Variants in PCDHGB3 observed in about 807,000 individuals in gnomAD.
PCDHGB3 encodes protocadherin gamma subfamily B, 3.
In PCDHGB3, 40 loss-of-function variants were observed where a neutral mutation model predicts 59.2. That is an observed-to-expected ratio of 0.68 (90% CI 0.52 to 0.88). PCDHGB3 has a LOEUF of 0.88. Among genes scored for constraint, PCDHGB3 ranks in the 40% least tolerant of loss-of-function variants. The pLI, the probability that PCDHGB3 is intolerant of heterozygous loss-of-function variation, is 0.00. For synonymous variants in PCDHGB3, 581 were observed against 503.6 expected (o/e 1.15, Z -2.06); for missense variants, 1,309 against 1,187.9 (o/e 1.10, Z -1.50).
At chr5:141,410,178 C>G in intron 1 of PCDHGB3, 2 of 1,613,890 alleles carry the variant, frequency 1.2e-6, no homozygotes, top group South Asian at 1.1e-5. Flanking sequence ...GCCACCGCCA[C>G]GCTTCATCTG....
chr5:141,409,907 C>T (rs1370065492), intron 1 of PCDHGB3: 1 of 1,613,294 alleles, frequency 6.2e-7, no homozygotes, highest in East Asian at 2.2e-5. Flanking sequence ...AGCTCTGGGT[C>T]CTGACGGCTC....
chr5:141,371,532 G>A lies in PCDHGB3; in HGVS notation c.1138G>A (p.Gly380Arg). ...ACATGATCTAGATTCTGGATTTAAT[G>A]GAGAAATCCTATGCCAACTAAAAGG... ...KTHDLDSGFN[G>R]EILCQLKGNF... Residue 380 changes from glycine to arginine, a missense_variant, in exon 1 of 4, where the codon GGA becomes AGA. Transcript: ENST00000576222. The A allele has an allele frequency of 6.2e-7, 1 of 1,613,660 alleles. No individual in the cohort carries two copies. Among genetic ancestry groups the A allele is most frequent in the Non-Finnish European group, 8.5e-7 (1 of 1,179,684 alleles).
At chr5:141,420,213 G>A in intron 1 of PCDHGB3, 1 of 1,611,648 alleles carries the variant, frequency 6.2e-7, no homozygotes, top group Non-Finnish European at 8.5e-7. Flanking sequence ...AACAAAGATA[G>A]CATGCTACTG....
intron 1 of PCDHGB3, among the ~76,000 whole-genome samples, chr5:141,455,028 G>A (rs2098810519): frequency 6.6e-6 from 1 of 150,780 alleles, no homozygotes; most frequent in Non-Finnish European, 1.5e-5. Flanking sequence ...TAGCCAGGAT[G>A]GTCTCGATCT....
rs57426385 is a variant in PCDHGB3 at position 141,415,740 on chromosome 5, G to GTTTTTTTTTTTTTT, written c.2415+42950_2415+42963dup. 1.9e-4 allele frequency: 117 copies of GTTTTTTTTTTTTTT among 625,018 alleles called. 7 individuals are homozygous for GTTTTTTTTTTTTTT. Among genetic ancestry groups the GTTTTTTTTTTTTTT allele is most frequent in the African/African-American group, 5.0e-4 (20 of 39,930 alleles). 38.7% of individuals were successfully genotyped at this position (625,018 alleles called of 1,614,324 possible). A position where few individuals can be genotyped will look rare whatever the true frequency, so the allele number is the denominator to read the frequency against. On this transcript the variant is annotated intron_variant, in intron 1 of 3. Coordinates refer to ENST00000576222, the MANE Select transcript of PCDHGB3 (RefSeq NM_018924.5). ...TGAGTAGAATTTGATGTTTATTAAGGTTTTTTTTTTTTTTTTTTTTTTTTT... is the reference window on the plus strand; with the variant it reads ...TGAGTAGAATTTGATGTTTATTAAGGTTTTTTTTTTTTTTTTTTTTTTTTTTTTTTTTTTTTTTT...
Position 141,476,854 on chromosome 5 carries a change from G to A in PCDHGB3, c.2416-17953G>A. The A allele has an allele frequency of 6.2e-7, 1 of 1,613,860 alleles. No individual in the cohort carries two copies. The highest frequency in any genetic ancestry group is 1.1e-5 in the South Asian group (1 of 91,088). ...ATGACAATGCGCCTGTCTTCAACCA[G>A]TCCTTGTACCGGGCGCGCGTCCTGG... On this transcript the variant is annotated intron_variant, in intron 1 of 3. Transcript: ENST00000576222. This position sits in a 1 kb window ranked among gnomAD's most constrained non-coding sequence, Gnocchi z 7.6.
At chr5:141,499,021 GAAGGAAGA>G (rs1193940810) in intron 2 of PCDHGB3, among the ~76,000 whole-genome samples, 2 of 140,162 alleles carry the variant, frequency 1.4e-5, no homozygotes, top group East Asian at 2.1e-4. Flanking sequence ...AGGAAGGAAG[GAAGGAAGA>G]AAAGAAAGAA....
chr5:141,424,401 G>A (rs1167861346), intron 1 of PCDHGB3: 1 of 151,844 alleles, frequency 6.6e-6, no homozygotes, highest in Non-Finnish European at 1.5e-5. Flanking sequence ...CCATTACTAT[G>A]GTGAAGTTAC....
chr5:141,431,702 T>C lies in PCDHGB3; in HGVS notation c.2415+58893T>C, dbSNP rs1349630251. The C allele has an allele frequency of 5.6e-6, 9 of 1,614,110 alleles. No individual in the cohort carries two copies. In the East Asian group the frequency reaches 8.9e-5, roughly 16 times the overall value. Reference sequence around the variant, plus strand: ...GTTGGACCACGAGGAGTCAGGATTCTACCAGATGGAAGTGCAAGCAATGGA... The same window carrying C: ...GTTGGACCACGAGGAGTCAGGATTCCACCAGATGGAAGTGCAAGCAATGGA... On this transcript the variant is annotated intron_variant, in intron 1 of 3. Transcript: ENST00000576222. This position sits in a 1 kb window ranked among gnomAD's most constrained non-coding sequence, Gnocchi z 4.8.
intron 1 of PCDHGB3, chr5:141,419,779 GC>G: frequency 1.2e-6 from 2 of 1,614,064 alleles, no homozygotes; most frequent in African/African-American, 2.7e-5. Context: ...CGGTCCGCCA[GC>G]GCCTGCTAGT....
At chr5:141,415,401 G>T in intron 1 of PCDHGB3, 2 of 1,614,206 alleles carry the variant, frequency 1.2e-6, no homozygotes, top group Non-Finnish European at 1.7e-6. Context: ...TGTCCGGCTC[G>T]CACTTTGTGG....
At chr5:141,379,679 T>C (rs561648427) in intron 1 of PCDHGB3, 1 of 152,142 alleles carries the variant, frequency 6.6e-6, no homozygotes, top group African/African-American at 2.4e-5. Flanking sequence ...CATTCACTCA[T>C]GTGGACTGAC....
chr5:141,430,090 G>T (rs2097260736), intron 1 of PCDHGB3, among the ~76,000 whole-genome samples: 1 of 152,096 alleles, frequency 6.6e-6, no homozygotes, highest in Non-Finnish European at 1.5e-5. Context: ...ATGAAAATTT[G>T]ATTTTTAAGC....
chr5:141,390,105 T>C (rs2092048923), intron 1 of PCDHGB3: 4 of 1,614,052 alleles, frequency 2.5e-6, no homozygotes, highest in African/African-American at 1.3e-5. Flanking sequence ...TCCCCCCAAC[T>C]ACAGCGAGGG....
At chr5:141,376,285 C>A in intron 1 of PCDHGB3, 2 of 1,614,230 alleles carry the variant, frequency 1.2e-6, no homozygotes, top group Non-Finnish European at 1.7e-6. Context: ...GCTTAGCGAG[C>A]ATGCCCGGCT....
chr5:141,489,339 C>T lies in PCDHGB3; in HGVS notation c.2416-5468C>T. 6.2e-7 allele frequency: 1 copy of T among 1,608,828 alleles called. No individual in the cohort carries two copies. On this transcript the variant is annotated intron_variant, in intron 1 of 3. Transcript: ENST00000576222. The surrounding 1 kb of genome is among the most constrained non-coding windows in gnomAD (Gnocchi z 4.5). ...GCTGGGTGTCTGGGCAGCTTCGTTA[C>T]TCAGTGGTGGAGGAGTCTGAGCCGG...
intron 1 of PCDHGB3, chr5:141,394,850 G>A (rs778925348): frequency 1.1e-5 from 17 of 1,613,702 alleles, no homozygotes; most frequent in Non-Finnish European, 1.4e-5. Context: ...GCAGTCTGAA[G>A]CCTTCGGTCG....
intron 1 of PCDHGB3, chr5:141,423,505 C>G: frequency 6.2e-7 from 1 of 1,613,932 alleles, no homozygotes; most frequent in Non-Finnish European, 8.5e-7. Context: ...CGAGGTCTCT[C>G]TCATTGCGGA....
In PCDHGB3 at chr5:141,383,648, C is replaced by T. The variant is rs781494472; in HGVS notation, c.2415+10839C>T. 2.5e-6 allele frequency: 4 copies of T among 1,614,034 alleles called. No individual in the cohort carries two copies. The Admixed American group carries it at 6.7e-5, about 27-fold the overall frequency. On this transcript the variant is annotated intron_variant, in intron 1 of 3. Transcript: ENST00000576222. Reference sequence around the variant, plus strand: ...TTCTCTCTGCCTCAGTACCAAGTAACTGTCCCCGAGAATGTGCCAGTGGGT... The same window carrying T: ...TTCTCTCTGCCTCAGTACCAAGTAATTGTCCCCGAGAATGTGCCAGTGGGT...
Sources: gnomAD v4.1 joint callset for allele counts (sites outside exome capture counted in the v4.1 genomes callset) on GRCh38, gnomAD v4.1.1 for gene constraint, Gnocchi (gnomAD v3.1) non-coding constraint, MANE v1.5 for transcripts, NCBI Gene and HGNC (gene_info 2026-07-23, HGNC 2026-07-21) for gene names.